The following PTP4A3 variants were observed in gnomAD, a reference collection of about 807,000 sequenced individuals.
PTP4A3 encodes protein tyrosine phosphatase type IVA 3.
PTP4A3 carries 9 observed loss-of-function variants against 15.2 expected under a neutral mutation model. The ratio of observed to expected loss-of-function variants is 0.59; its 90% CI spans 0.36 to 1.03. PTP4A3 has a LOEUF of 1.03. PTP4A3 is among the 50% of genes least tolerant of loss of function. PTP4A3 has a pLI of 0.02. For synonymous variants in PTP4A3, 95 were observed against 102.0 expected (o/e 0.93, Z 0.41); for missense variants, 234 against 252.1 (o/e 0.93, Z 0.49).
chr8:141,418,773 AGCCTGAG>A (rs759463721), intron 1 of PTP4A3, among the ~76,000 whole-genome samples: 59 of 152,160 alleles, frequency 3.9e-4, no homozygotes, highest in Non-Finnish European at 7.9e-4. Context: ...GCAGATGGGA[AGCCTGAG>A]GCTTTGGCTT....
chr8:141,422,413 C>G, intron 2 of PTP4A3, 68 bp downstream of exon 2: 2 of 1,566,682 alleles, frequency 1.3e-6, no homozygotes, highest in Non-Finnish European at 1.8e-6. Context: ...GAGCTGCCCT[C>G]AGGCCTCGCA....
Position 141,427,768 on chromosome 8 carries a change from G to T in PTP4A3, c.348G>T (p.Ala116=), listed in dbSNP as rs768568900. Residue 116 remains alanine, a synonymous_variant, in exon 5 of 6, where the codon GCG becomes GCT. Coordinates refer to ENST00000521578, the MANE Select transcript of PTP4A3 (RefSeq NM_032611.3). Reference sequence around the variant, plus strand: ...CCCCCAGGGCTCCAGTCCTTGTGGCGCTGGCCCTTATTGAGAGCGGGATGA... The same window carrying T: ...CCCCCAGGGCTCCAGTCCTTGTGGCTCTGGCCCTTATTGAGAGCGGGATGA... ...AGLGRAPVLV[A]LALIESGMKY... 1.3e-6 allele frequency: 2 copies of T among 1,551,184 alleles called. No homozygotes were observed. Among genetic ancestry groups the T allele is most frequent in the Non-Finnish European group, 1.7e-6 (2 of 1,147,424 alleles).
chr8:141,400,189 G>A (rs192648502), intron 1 of PTP4A3, among the ~76,000 whole-genome samples: 30 of 152,214 alleles, frequency 2.0e-4, no homozygotes, highest in East Asian at 1.4e-3. Context: ...CACTGCGCCC[G>A]GCCCACCACT....
At position 141,425,196 on chromosome 8, in the gene PTP4A3, C is replaced by CGGGGGGCGGGGGGGGGGGGGGGGGG; in HGVS notation, c.198+63_198+64insGGGGGGGGGGGGGGGGGGGGGGGGC. 1 of 361,486 alleles carries CGGGGGGCGGGGGGGGGGGGGGGGGG rather than the reference C, an allele frequency of 2.8e-6. No individual in the cohort carries two copies. 22.4% of individuals were successfully genotyped at this position (361,486 alleles called of 1,614,324 possible). On this transcript the variant is annotated intron_variant, in intron 3 of 5. Transcript: ENST00000521578. This position sits in a 1 kb window ranked among gnomAD's most constrained non-coding sequence, Gnocchi z 4.2. ...CTGCTGCCACCGGGGGAGGGTGGGG[C>CGGGGGGCGGGGGGGGGGGGGGGGGG]GGGGGGCTCCGGGCCTGCGCAGAGG...
At chr8:141,409,428 C>T (rs1455054480) in intron 1 of PTP4A3, among the ~76,000 whole-genome samples, 3 of 152,192 alleles carry the variant, frequency 2.0e-5, no homozygotes, top group Admixed American at 6.5e-5. Flanking sequence ...TCTGTGGACC[C>T]GGCACCCAGT....
chr8:141,423,019 G>A (rs187968514), intron 2 of PTP4A3, among the ~76,000 whole-genome samples: 62 of 152,364 alleles, frequency 4.1e-4, no homozygotes, highest in African/African-American at 1.2e-3. Context: ...CGTTTGCAGC[G>A]TCTGCAGTTG....
rs1833359776 is a variant in PTP4A3, at chr8:141,422,144, T to C, written c.-97T>C. The C allele has an allele frequency of 8.7e-7, 1 of 1,150,132 alleles. No individual in the cohort carries two copies. The allele number at this position is 1,150,132 out of a possible 1,614,324, so 71.2% of individuals were successfully genotyped here. On this transcript the variant is annotated 5_prime_UTR_variant, in exon 2 of 6. Coordinates refer to ENST00000521578, the MANE Select transcript of PTP4A3 (RefSeq NM_032611.3). ...TCTTGGACAAGCACAGGGATCTCGT[T>C]CTCCTCATTTTTTGGGGGTGTGTGG... is the stretch of plus-strand genomic sequence containing the variant.
rs533585076 is a variant in PTP4A3, at chr8:141,431,203, C to G, written c.*159C>G. On this transcript the variant is annotated 3_prime_UTR_variant, in exon 6 of 6. Transcript: ENST00000521578. ...CCCGACACCTCCGTGCACTTGTGTC[C>G]GAGGAGCGAGGAGCCCCTCGGGCCC... The G allele has an allele frequency of 3.5e-5, 23 of 653,864 alleles. No individual in the cohort carries two copies. The Admixed American group carries it at 4.8e-4, about 14-fold the overall frequency. The allele number at this position is 653,864 out of a possible 1,614,324, so 40.5% of individuals were successfully genotyped here. A position where few individuals can be genotyped will look rare whatever the true frequency, so the allele number is the denominator to read the frequency against.
At chr8:141,430,555 C>T (rs1833820909) in intron 5 of PTP4A3, among the ~76,000 whole-genome samples, 2 of 152,206 alleles carry the variant, frequency 1.3e-5, no homozygotes, top group Admixed American at 1.3e-4. Context: ...GGCTCAGCCC[C>T]TCCCTTACTC....
At chr8:141,414,458 C>T (rs1414942940) in intron 1 of PTP4A3, among the ~76,000 whole-genome samples, 1 of 151,724 alleles carries the variant, frequency 6.6e-6, no homozygotes, top group Non-Finnish European at 1.5e-5. Context: ...AGAGGTGGCC[C>T]GGTAGGGAGA....
chr8:141,429,071 C>T (rs1019138615), intron 5 of PTP4A3, among the ~76,000 whole-genome samples: 2 of 152,360 alleles, frequency 1.3e-5, no homozygotes, highest in Admixed American at 1.3e-4. Context: ...GGCCATGCTG[C>T]GGAAACAGCC....
chr8:141,424,931 A>C (rs2130241695), intron 2 of PTP4A3, 117 bp from the exon 3 acceptor site: 1 of 844,908 alleles, frequency 1.2e-6, no homozygotes, highest in Non-Finnish European at 1.9e-6. Flanking sequence ...GACATGTCCA[A>C]GTCCTGGGTG....
At chr8:141,408,394 G>A (rs553093773) in intron 1 of PTP4A3, among the ~76,000 whole-genome samples, 1 of 152,360 alleles carries the variant, frequency 6.6e-6, no homozygotes, top group East Asian at 1.9e-4. Context: ...CAAGGTGGGC[G>A]GATCACCTGA....
At position 141,431,122 on chromosome 8, in the gene PTP4A3, C is replaced by T. The variant is rs760814540; in HGVS notation, c.*78C>T. On this transcript the variant is annotated 3_prime_UTR_variant, in exon 6 of 6. Coordinates refer to ENST00000521578, the MANE Select transcript of PTP4A3 (RefSeq NM_032611.3). ...CCTGGAGGCCCTGCCCAGCCCTGCT[C>T]TGCCCAGCCCAGCAGGGGCTCCAGG... 1.4e-6 allele frequency: 2 copies of T among 1,398,162 alleles called. No homozygotes were observed. The highest frequency in any genetic ancestry group is 2.3e-5 in the East Asian group (1 of 43,630). 86.6% of individuals were successfully genotyped at this position (1,398,162 alleles called of 1,614,324 possible).
intron 3 of PTP4A3, 149 bp from the exon 4 acceptor site, chr8:141,426,790 C>T: frequency 7.0e-7 from 1 of 1,419,432 alleles, no homozygotes; most frequent in Admixed American, 2.3e-5. Context: ...AGCTGTGCCC[C>T]TCCTGTGTGC....
At position 141,422,239 on chromosome 8, in the gene PTP4A3, C is replaced by T. The variant is rs376464093; in HGVS notation, c.-2C>T. 3.1e-6 allele frequency: 5 copies of T among 1,612,972 alleles called. No individual in the cohort carries two copies. On this transcript the variant is annotated 5_prime_UTR_variant, in exon 2 of 6. Coordinates refer to ENST00000521578, the MANE Select transcript of PTP4A3 (RefSeq NM_032611.3). Reference sequence around the variant, plus strand: ...GCCCTGCCGGGCCCGTCGGGAGGCGCCATGGCTCGGATGAACCGCCCGGCC... The same window carrying T: ...GCCCTGCCGGGCCCGTCGGGAGGCGTCATGGCTCGGATGAACCGCCCGGCC...
chr8:141,421,100 G>C (rs1833307106), intron 1 of PTP4A3, among the ~76,000 whole-genome samples: 1 of 152,202 alleles, frequency 6.6e-6, no homozygotes, highest in Non-Finnish European at 1.5e-5. Context: ...GGGGGTGTGT[G>C]TGTCCCTGAA....
intron 1 of PTP4A3, among the ~76,000 whole-genome samples, chr8:141,413,903 T>A (rs116232935): frequency 0.041 from 6,149 of 150,444 alleles, 410 homozygotes; most frequent in African/African-American, 0.14. Context: ...TTCAGGGCTC[T>A]TGGTGTAAAG....
intron 1 of PTP4A3, among the ~76,000 whole-genome samples, chr8:141,418,217 C>CGCA (rs1168598169): frequency 2.0e-5 from 3 of 152,198 alleles, no homozygotes; most frequent in Non-Finnish European, 2.9e-5. Flanking sequence ...CTGACCGCGG[C>CGCA]GCAGCTTACT....
Sources: allele counts gnomAD v4.1 joint callset (sites outside exome capture counted in the v4.1 genomes callset), GRCh38; gene constraint gnomAD v4.1.1; non-coding constraint Gnocchi (gnomAD v3.1); transcripts MANE v1.5; gene names NCBI Gene and HGNC (gene_info 2026-07-23, HGNC 2026-07-21).